The following FNDC3A variants were observed in gnomAD, a reference collection of about 807,000 sequenced individuals.
FNDC3A encodes fibronectin type-III domain-containing protein 3A.
Under a neutral mutation model 148.9 loss-of-function variants are expected in FNDC3A, and 32 were observed. The observed-to-expected ratio is 0.21, with a 90% confidence interval of 0.16 to 0.29. The LOEUF (loss-of-function observed/expected upper bound fraction) is 0.29, where lower values mean the gene tolerates loss of function less well. Among genes scored for constraint, FNDC3A ranks in the 10% least tolerant of loss-of-function variants. The probability of loss-of-function intolerance (pLI) is 1.00; values close to 1 mark genes in which losing one functional copy is unlikely to be tolerated. For missense variants in FNDC3A, 1,191 were observed against 1,452.8 expected (o/e 0.82, Z 2.93); for synonymous variants, 472 against 473.6 (o/e 1.00, Z 0.04).
chr13:49,033,743 T>A (rs1874293985), intron 2 of FNDC3A, among the ~76,000 whole-genome samples: 1 of 152,010 alleles, frequency 6.6e-6, no homozygotes, highest in Non-Finnish European at 1.5e-5. Context: ...TATTTTATAA[T>A]TTATACTTAA....
At chr13:49,199,478 C>T (rs1466412828) in intron 23 of FNDC3A, among the ~76,000 whole-genome samples, 1 of 152,034 alleles carries the variant, frequency 6.6e-6, no homozygotes, top group Non-Finnish European at 1.5e-5. Flanking sequence ...CAGGTGCGCA[C>T]CACCACGCCC....
At chr13:49,068,396 T>C (rs1049948630) in intron 2 of FNDC3A, among the ~76,000 whole-genome samples, 1 of 151,832 alleles carries the variant, frequency 6.6e-6, no homozygotes, top group Non-Finnish European at 1.5e-5. Context: ...TTAAATTAAA[T>C]AAAAACAGTT....
At chr13:49,064,958 C>T (rs1027378740) in intron 2 of FNDC3A, among the ~76,000 whole-genome samples, 2 of 152,160 alleles carry the variant, frequency 1.3e-5, no homozygotes, top group African/African-American at 2.4e-5. Context: ...GGTCTGTATA[C>T]TGCTGTGGAA....
chr13:49,050,922 T>C (rs1875793798), intron 2 of FNDC3A, among the ~76,000 whole-genome samples: 1 of 152,238 alleles, frequency 6.6e-6, no homozygotes, highest in African/African-American at 2.4e-5. Context: ...TTTTAACTGC[T>C]GTTGCTTTGA....
chr13:49,149,163 C>CTTT (rs766364277), intron 8 of FNDC3A, among the ~76,000 whole-genome samples: 2 of 134,254 alleles, frequency 1.5e-5, no homozygotes, highest in Non-Finnish European at 3.3e-5. Flanking sequence ...GACAATTTGA[C>CTTT]TTTTTTTTTT....
intron 8 of FNDC3A, among the ~76,000 whole-genome samples, chr13:49,164,783 G>A (rs550911658): frequency 6.6e-6 from 1 of 152,102 alleles, no homozygotes; most frequent in East Asian, 1.9e-4. Flanking sequence ...CTAATTTTTT[G>A]CATTTTTAGT....
chr13:48,976,676 C>T (rs1385918455), intron 1 of FNDC3A: 5 of 152,398 alleles, frequency 3.3e-5, no homozygotes, highest in Non-Finnish European at 5.9e-5. Context: ...GCCCGGCAGC[C>T]GCCGAACTTG....
intron 2 of FNDC3A, among the ~76,000 whole-genome samples, chr13:49,068,757 C>T (rs985201060): frequency 6.6e-6 from 1 of 152,140 alleles, no homozygotes; most frequent in African/African-American, 2.4e-5. Context: ...TTTGCAGGGA[C>T]ATGGATGGAG....
chr13:49,080,983 TATGGCACCC>T (rs1878430358), intron 3 of FNDC3A, among the ~76,000 whole-genome samples: 1 of 152,216 alleles, frequency 6.6e-6, no homozygotes, highest in Non-Finnish European at 1.5e-5. Flanking sequence ...TGATGCTTTG[TATGGCACCC>T]AGCACATAGA....
At chr13:49,147,080 A>G (rs1292771833) in intron 8 of FNDC3A, among the ~76,000 whole-genome samples, 1 of 152,178 alleles carries the variant, frequency 6.6e-6, no homozygotes, top group Non-Finnish European at 1.5e-5. Flanking sequence ...GGTTATAAAA[A>G]TTTCCTGTTT....
chr13:48,994,177 TA>T (rs1242934164), intron 1 of FNDC3A, among the ~76,000 whole-genome samples: 1 of 152,124 alleles, frequency 6.6e-6, no homozygotes, highest in Non-Finnish European at 1.5e-5. Flanking sequence ...TTTTCAAAAA[TA>T]AAAAAGTAGA....
intron 3 of FNDC3A, among the ~76,000 whole-genome samples, chr13:49,082,391 CA>C (rs58426224): frequency 6.6e-6 from 1 of 151,602 alleles, no homozygotes; most frequent in Non-Finnish European, 1.5e-5. Context: ...ATCTCAAAAA[CA>C]AAAAAACCCA....
At chr13:49,051,232 T>A (rs144538539) in intron 2 of FNDC3A, among the ~76,000 whole-genome samples, 1 of 152,176 alleles carries the variant, frequency 6.6e-6, no homozygotes, top group Non-Finnish European at 1.5e-5. Context: ...TTGTTTTGTT[T>A]TGTTTTTTCA....
At position 49,112,372 on chromosome 13, in the gene FNDC3A, C is replaced by T. The variant is rs1357963151; in HGVS notation, c.176-2283C>T. ...ACCAGCATTAGTTTAAAACAGTTCT[C>T]ATTTCTCTTGAGTCTAGAATATAGG... is the stretch of plus-strand genomic sequence containing the variant. On this transcript the variant is annotated intron_variant, in intron 3 of 25. Transcript: ENST00000492622. Among the ~76,000 whole-genome samples, 4 of 152,152 alleles carry T rather than the reference C, an allele frequency of 2.6e-5. No homozygotes were observed. The East Asian group carries it at 7.7e-4, about 29-fold the overall frequency.
Position 49,207,379 on chromosome 13 carries a change from A to G in FNDC3A, c.3581A>G (p.Tyr1194Cys). The G allele has an allele frequency of 6.3e-7, 1 of 1,586,530 alleles. No individual in the cohort carries two copies. The highest frequency in any genetic ancestry group is 8.6e-7 in the Non-Finnish European group (1 of 1,159,336). Residue 1194 changes from tyrosine (Y) to cysteine (C), a missense_variant, in exon 26 of 26, where the codon TAC (tyrosine) becomes TGC (cysteine). Tyr to Cys is a radical substitution (Grantham distance 194). Transcript: ENST00000492622. ...FSILIAFIIQ[Y>C]FVIK ...ATTTTGATTGCCTTTATCATTCAGTACTTTGTAATCAAGTGAAAATATAAC... is the reference window on the plus strand; with the variant it reads ...ATTTTGATTGCCTTTATCATTCAGTGCTTTGTAATCAAGTGAAAATATAAC...
intron 8 of FNDC3A, among the ~76,000 whole-genome samples, chr13:49,155,209 C>G (rs1345452846): frequency 6.6e-6 from 1 of 152,060 alleles, no homozygotes; most frequent in Middle Eastern, 3.2e-3. Context: ...TGTTATTGGT[C>G]TATTCAGGGA....
At chr13:49,159,337 TC>T (rs1471412060) in intron 8 of FNDC3A, among the ~76,000 whole-genome samples, 1 of 152,230 alleles carries the variant, frequency 6.6e-6, no homozygotes, top group Non-Finnish European at 1.5e-5. Flanking sequence ...GTCCTTCACA[TC>T]CCTTGTAAGT....
intron 3 of FNDC3A, among the ~76,000 whole-genome samples, chr13:49,092,948 T>C (rs1242974230): frequency 6.6e-6 from 1 of 152,178 alleles, no homozygotes; most frequent in Non-Finnish European, 1.5e-5. Flanking sequence ...ATTGATTGCA[T>C]TAATCAACTT....
chr13:49,038,023 T>C (rs1874630124), intron 2 of FNDC3A, among the ~76,000 whole-genome samples: 1 of 152,100 alleles, frequency 6.6e-6, no homozygotes, highest in African/African-American at 2.4e-5. Context: ...GCAGGATGGA[T>C]GGGGAGCTGG....
Sources: gnomAD v4.1 joint callset for allele counts (sites outside exome capture counted in the v4.1 genomes callset) on GRCh38, gnomAD v4.1.1 for gene constraint, MANE v1.5 for transcripts, NCBI Gene and HGNC (gene_info 2026-07-23, HGNC 2026-07-21) for gene names.